SHROOM4: variants seen among roughly 807,000 people sequenced by gnomAD.
The protein encoded by SHROOM4 is shroom family member 4.
Under a neutral mutation model 80.3 loss-of-function variants are expected in SHROOM4, and 17 were observed. The ratio of observed to expected loss-of-function variants is 0.21; its 90% CI spans 0.14 to 0.32. SHROOM4 has a LOEUF of 0.32. Ranked by LOEUF, SHROOM4 falls within the 10% of genes least tolerant of loss-of-function variation. The pLI, the probability that SHROOM4 is intolerant of heterozygous loss-of-function variation, is 1.00. For missense variants in SHROOM4, 993 were observed against 1,140.3 expected (o/e 0.87, Z 1.86); for synonymous variants, 400 against 437.5 (o/e 0.91, Z 1.07).
chrX:50,714,092 C>T (rs1557264623), intron 1 of SHROOM4, among the ~76,000 whole-genome samples: 1 of 111,786 alleles, frequency 8.9e-6, no homozygotes, highest in Non-Finnish European at 1.9e-5. Context: ...CCACTGTATG[C>T]TGTTGGTGCC....
intron 2 of SHROOM4, among the ~76,000 whole-genome samples, chrX:50,688,018 AT>A (rs1177210256): frequency 1.6e-4 from 17 of 107,316 alleles, no homozygotes; most frequent in African/African-American, 2.0e-4. Context: ...TCTAAGGGTC[AT>A]TTTTTTTTCC....
In SHROOM4 at chrX:50,764,400, G is replaced by C. The variant is rs782369187; in HGVS notation, c.117+49502C>G. On this transcript the variant is annotated intron_variant, in intron 1 of 8. Transcript: ENST00000376020. Reference sequence around the variant, plus strand: ...GTGGGGGGAAAAAGACACTGCGAGTGGGGGGAAAAAGAGCAGCCTGTCTCT... The same window carrying C: ...GTGGGGGGAAAAAGACACTGCGAGTCGGGGGAAAAAGAGCAGCCTGTCTCT... 7.5e-5 allele frequency among the ~76,000 whole-genome samples: 7 copies of C among 93,852 alleles called. No individual in the cohort carries two copies. In the South Asian group the frequency reaches 2.9e-3, roughly 38 times the overall value. The allele number at this position is 93,852 out of a possible 115,157, so 81.5% of individuals were successfully genotyped here. A position where few individuals can be genotyped will look rare whatever the true frequency, so the allele number is the denominator to read the frequency against.
At chrX:50,597,925 G>A (rs188907723) in intron 8 of SHROOM4, among the ~76,000 whole-genome samples, 3 of 111,041 alleles carry the variant, frequency 2.7e-5, no homozygotes, top group African/African-American at 9.8e-5. Context: ...GGCAGTCTCC[G>A]CCTCCCAAGC....
intron 1 of SHROOM4, among the ~76,000 whole-genome samples, chrX:50,749,049 A>C (rs782807606): frequency 7.2e-5 from 8 of 111,254 alleles, no homozygotes; most frequent in African/African-American, 2.6e-4. Context: ...CACCTCTACA[A>C]AAAATCCAAA....
intron 5 of SHROOM4, among the ~76,000 whole-genome samples, chrX:50,614,017 G>C (rs1254487410): frequency 1.8e-5 from 2 of 112,045 alleles, no homozygotes; most frequent in African/African-American, 6.5e-5. Context: ...AAGTTAGTTT[G>C]TGATGAAGCA....
chrX:50,592,175 T>A lies in SHROOM4; in HGVS notation c.*4520A>T. 1 of 329,185 alleles carries A rather than the reference T, an allele frequency of 3.0e-6. No individual in the cohort carries two copies. The highest frequency in any genetic ancestry group is 2.6e-5 in the South Asian group (1 of 38,463). 27.1% of individuals were successfully genotyped at this position (329,185 alleles called of 1,213,427 possible). A position where few individuals can be genotyped will look rare whatever the true frequency, so the allele number is the denominator to read the frequency against. On this transcript the variant is annotated 3_prime_UTR_variant, in exon 9 of 9. Transcript: ENST00000376020. ...ATAAGGAAAAAATGAATTGAGTAGA[T>A]CAGGACTATAATAATGGTTACCATG...
chrX:50,670,468 A>C (rs1357951083), intron 2 of SHROOM4, among the ~76,000 whole-genome samples: 16 of 111,916 alleles, frequency 1.4e-4, no homozygotes, highest in African/African-American at 3.6e-4. Context: ...CATAGTATTC[A>C]ATGGTGTATA....
chrX:50,757,886 G>T (rs1021831638), intron 1 of SHROOM4, among the ~76,000 whole-genome samples: 3 of 109,927 alleles, frequency 2.7e-5, no homozygotes, highest in African/African-American at 9.9e-5. Flanking sequence ...AGATCCATCT[G>T]GGAAGTACAG....
chrX:50,696,254 G>A (rs1173616820), intron 1 of SHROOM4, among the ~76,000 whole-genome samples: 1 of 111,882 alleles, frequency 8.9e-6, no homozygotes, highest in Non-Finnish European at 1.9e-5. Flanking sequence ...AAGCAGCAGC[G>A]TGGCCTACCA....
intron 2 of SHROOM4, among the ~76,000 whole-genome samples, chrX:50,692,527 A>G (rs782516307): frequency 1.5e-4 from 17 of 111,798 alleles, no homozygotes; most frequent in Non-Finnish European, 2.8e-4. Flanking sequence ...TAATGCCATT[A>G]TATAGGAATT....
chrX:50,811,463 A>T (rs1936328697), intron 1 of SHROOM4, among the ~76,000 whole-genome samples: 1 of 111,620 alleles, frequency 9.0e-6, no homozygotes, highest in African/African-American at 3.3e-5. Context: ...AAAAAGGATT[A>T]GAACCCAAGT....
At position 50,803,704 on chromosome X, in the gene SHROOM4, T is replaced by C. The variant is rs782732028; in HGVS notation, c.117+10198A>G. Among the ~76,000 whole-genome samples the C allele has an allele frequency of 4.4e-5, 5 of 112,492 alleles. No individual in the cohort carries two copies. In the South Asian group the frequency reaches 1.9e-3, roughly 42 times the overall value. The stretch of plus-strand genomic sequence containing the variant: ...TAAAGCTTTTTGTTTCCTGGGCTTA[T>C]AGTAATGCAGCTCTTCAACAAAACT... On this transcript the variant is annotated intron_variant, in intron 1 of 8. Coordinates refer to ENST00000376020, the MANE Select transcript of SHROOM4 (RefSeq NM_020717.5).
chrX:50,776,983 G>A (rs368194122), intron 1 of SHROOM4, among the ~76,000 whole-genome samples: 5 of 111,339 alleles, frequency 4.5e-5, no homozygotes, highest in East Asian at 2.8e-4. Context: ...CCACCGCACC[G>A]GCCTCTCTAT....
At chrX:50,677,887 C>T (rs1270708085) in intron 2 of SHROOM4, among the ~76,000 whole-genome samples, 2 of 111,462 alleles carry the variant, frequency 1.8e-5, no homozygotes, top group Non-Finnish European at 3.8e-5. Context: ...ACTTCCCATT[C>T]TACATTCTGT....
chrX:50,783,509 A>G (rs782497869), intron 1 of SHROOM4, among the ~76,000 whole-genome samples: 75 of 112,015 alleles, frequency 6.7e-4, no homozygotes, highest in African/African-American at 2.4e-3. Context: ...AAACTGATCT[A>G]TAAATACAGC....
chrX:50,773,504 A>G (rs1376478164), intron 1 of SHROOM4, among the ~76,000 whole-genome samples: 5 of 112,355 alleles, frequency 4.5e-5, no homozygotes, highest in Admixed American at 3.8e-4. Context: ...TTCTATGCAC[A>G]ACAGATACAG....
chrX:50,650,164 A>G (rs1404376374), intron 2 of SHROOM4, among the ~76,000 whole-genome samples: 1 of 112,482 alleles, frequency 8.9e-6, no homozygotes, highest in Non-Finnish European at 1.9e-5. Flanking sequence ...TCAATTCAAG[A>G]ACTATATATG....
At chrX:50,583,968 T>C (rs782084425), downstream of SHROOM4, among the ~76,000 whole-genome samples, 7 of 112,272 alleles carry the variant, frequency 6.2e-5, no homozygotes, top group South Asian at 1.1e-3. Context: ...AATGTTATAA[T>C]AGAAAACTAA....
At chrX:50,709,931 C>A (rs1449604488) in intron 1 of SHROOM4, among the ~76,000 whole-genome samples, 1 of 111,776 alleles carries the variant, frequency 8.9e-6, no homozygotes, top group East Asian at 2.8e-4. Context: ...GTGTTTTAAT[C>A]CCTCCAGGTG....
Sources: gnomAD v4.1 joint callset for allele counts (sites outside exome capture counted in the v4.1 genomes callset) on GRCh38, gnomAD v4.1.1 for gene constraint, MANE v1.5 for transcripts, NCBI Gene and HGNC (gene_info 2026-07-23, HGNC 2026-07-21) for gene names.